TNIP1: variants seen among roughly 807,000 people sequenced by gnomAD.
TNIP1 encodes TNFAIP3-interacting protein 1.
Under a neutral mutation model 86.6 loss-of-function variants are expected in TNIP1, and 22 were observed. That is an observed-to-expected ratio of 0.25 (90% CI 0.18 to 0.36). TNIP1 has a LOEUF of 0.36. Ranked by LOEUF, TNIP1 falls within the 10% of genes least tolerant of loss-of-function variation. TNIP1 has a pLI of 1.00. For missense variants in TNIP1, 709 were observed against 820.6 expected, an observed-to-expected ratio of 0.86 and a Z score of 1.66; for synonymous variants, 294 against 313.0, an observed-to-expected ratio of 0.94 and a Z score of 0.64.
chr5:151,062,174 C>G lies in TNIP1; in HGVS notation c.310G>C (p.Ala104Pro). The G allele has an allele frequency of 6.2e-7, 1 of 1,614,156 alleles. No homozygotes were observed. Among genetic ancestry groups the G allele is most frequent in the Non-Finnish European group, 8.5e-7 (1 of 1,180,012 alleles). Residue 104 changes from alanine (A) to proline (P), a missense_variant, in exon 4 of 18, where the codon GCA (alanine) becomes CCA (proline). By Grantham distance (27) the Ala-to-Pro change is conservative (BLOSUM62 -1). Coordinates refer to ENST00000521591, the MANE Select transcript of TNIP1 (RefSeq NM_006058.5). ...SNVTASPTAP[A>P]CPSDKPAPVQ... ...GGTGCTGGCTTGTCACTGGGGCATG[C>G]AGGGGCTGTGGGAGATGCTGTGACA... is the stretch of plus-strand genomic sequence containing the variant.
At chr5:151,065,592 A>G (rs1213759063) in intron 1 of TNIP1, among the ~76,000 whole-genome samples, 2 of 152,208 alleles carry the variant, frequency 1.3e-5, no homozygotes, top group East Asian at 1.9e-4. Context: ...TTAATTTACT[A>G]TGGGATTATG....
intron 11 of TNIP1, 110 bp downstream of exon 11, chr5:151,042,430 G>A (rs778060648): frequency 6.1e-6 from 9 of 1,464,180 alleles, no homozygotes; most frequent in Non-Finnish European, 7.4e-6. Context: ...TAGCTCTTTC[G>A]CACTAGACCC....
intron 11 of TNIP1, among the ~76,000 whole-genome samples, chr5:151,040,397 G>A (rs1758265387): frequency 1.3e-5 from 2 of 152,168 alleles, no homozygotes; most frequent in African/African-American, 4.8e-5. Context: ...TAGTCAGTAC[G>A]GACTGCAGAG....
At chr5:151,074,324 G>GA (rs1186862670) in intron 1 of TNIP1, among the ~76,000 whole-genome samples, 1 of 152,192 alleles carries the variant, frequency 6.6e-6, no homozygotes, top group African/African-American at 2.4e-5. Flanking sequence ...GACGCAGGAG[G>GA]ATGGCCTGAA....
intron 14 of TNIP1, 140 bp from the exon 15 acceptor site, chr5:151,035,207 A>G: frequency 2.1e-6 from 2 of 953,140 alleles, no homozygotes; most frequent in Non-Finnish European, 1.6e-6. Flanking sequence ...GCCCCGGGAA[A>G]GGGCCCTGAG....
At chr5:151,080,139 A>AAT (rs1763840387) in intron 1 of TNIP1, 1 of 152,372 alleles carries the variant, frequency 6.6e-6, no homozygotes, top group South Asian at 2.1e-4. Flanking sequence ...CGTGCACACA[A>AAT]ATGTCCTACA....
At chr5:151,072,695 C>T (rs1762951523) in intron 1 of TNIP1, among the ~76,000 whole-genome samples, 1 of 152,052 alleles carries the variant, frequency 6.6e-6, no homozygotes, top group Middle Eastern at 3.2e-3. Flanking sequence ...CAACCCTCTA[C>T]CCCACACTAT....
Position 151,035,099 on chromosome 5 carries a change from C to T in TNIP1, c.1522-32G>A, listed in dbSNP as rs143643644. 84 of 1,606,964 alleles carry T rather than the reference C, an allele frequency of 5.2e-5. 1 individual carries two copies. In the East Asian group the frequency reaches 1.6e-3, roughly 30 times the overall value. On this transcript the variant is annotated intron_variant, in intron 14 of 17. Transcript: ENST00000521591. ...GAAGAAGGGAGGGAGAAAAGACTGT[C>T]GGCACAGGTGGTTTCTGGCCAGGCC...
At chr5:151,060,276 G>A (rs1224094101) in intron 5 of TNIP1, 42 bp downstream of exon 5, 1 of 1,604,418 alleles carries the variant, frequency 6.2e-7, no homozygotes, top group Non-Finnish European at 8.5e-7. Context: ...AGGACACAAA[G>A]AGGGCAGCAG....
At chr5:151,082,494 C>G (rs1319882531), upstream of TNIP1, among the ~76,000 whole-genome samples, 1 of 152,188 alleles carries the variant, frequency 6.6e-6, no homozygotes, top group Non-Finnish European at 1.5e-5. Flanking sequence ...TCTTCCTGCT[C>G]TTTGTGCCTG....
chr5:151,048,533 C>T (rs1275899181), intron 8 of TNIP1, among the ~76,000 whole-genome samples: 1 of 152,220 alleles, frequency 6.6e-6, no homozygotes, highest in Non-Finnish European at 1.5e-5. Context: ...CTCTGTAACA[C>T]ATGCCTCTAA....
At chr5:151,057,008 C>A in intron 5 of TNIP1, 51 bp from the exon 6 acceptor site, 1 of 1,355,474 alleles carries the variant, frequency 7.4e-7, no homozygotes, top group South Asian at 1.8e-5. Context: ...CCTGAGTAGG[C>A]GCCGCCAGTC....
chr5:151,066,322 G>C (rs938187022), intron 1 of TNIP1, among the ~76,000 whole-genome samples: 2 of 152,172 alleles, frequency 1.3e-5, no homozygotes, highest in African/African-American at 4.8e-5. Flanking sequence ...CTGAAACACC[G>C]AGCCAGCCTC....
At chr5:151,068,373 A>ACAGAGCTGGAGGGGACT (rs1762478106) in intron 1 of TNIP1, among the ~76,000 whole-genome samples, 1 of 152,168 alleles carries the variant, frequency 6.6e-6, no homozygotes, top group Admixed American at 6.5e-5. Context: ...TCTCAGGATG[A>ACAGAGCTGGAGGGGACT]CAGAGCTGGA....
At chr5:151,076,836 G>A (rs1763453523) in intron 1 of TNIP1, among the ~76,000 whole-genome samples, 1 of 152,178 alleles carries the variant, frequency 6.6e-6, no homozygotes. Context: ...GAGGGGCACT[G>A]GGGCTGTTGA....
intron 1 of TNIP1, among the ~76,000 whole-genome samples, chr5:151,072,714 G>A (rs1481486718): frequency 6.6e-6 from 1 of 151,702 alleles, no homozygotes; most frequent in Non-Finnish European, 1.5e-5. Context: ...ATCTCTAGTT[G>A]GTTCTAGCAC....
At chr5:151,062,880 T>C (rs542567400) in intron 3 of TNIP1, among the ~76,000 whole-genome samples, 10 of 152,348 alleles carry the variant, frequency 6.6e-5, no homozygotes, top group East Asian at 1.9e-4. Flanking sequence ...CACCAGCCAA[T>C]AGAAGGCTGT....
chr5:151,066,240 G>C (rs568479824), intron 1 of TNIP1, among the ~76,000 whole-genome samples: 4 of 152,194 alleles, frequency 2.6e-5, no homozygotes, highest in Non-Finnish European at 5.9e-5. Context: ...AGAGGTGAGG[G>C]AACTAGCCAT....
At chr5:151,043,750 G>A (rs925660469) in intron 9 of TNIP1, among the ~76,000 whole-genome samples, 7 of 151,640 alleles carry the variant, frequency 4.6e-5, no homozygotes, top group Non-Finnish European at 8.8e-5. Context: ...ACTCTAGCCT[G>A]GGCAACCAAA....
Sources: allele counts gnomAD v4.1 joint callset (sites outside exome capture counted in the v4.1 genomes callset), GRCh38; gene constraint gnomAD v4.1.1; transcripts MANE v1.5; gene names NCBI Gene and HGNC (gene_info 2026-07-23, HGNC 2026-07-21).